MECOM: variants seen among roughly 807,000 people sequenced by gnomAD.
The protein encoded by MECOM is histone-lysine N-methyltransferase MECOM.
Under a neutral mutation model 116.3 loss-of-function variants are expected in MECOM, and 13 were observed. The observed-to-expected ratio is 0.11, with a 90% CI of 0.07 to 0.18. The LOEUF (loss-of-function observed/expected upper bound fraction) is 0.18, where lower values mean the gene tolerates loss of function less well. MECOM is among the 10% of genes least tolerant of loss of function. The pLI is 1.00. For missense variants in MECOM, 1,299 were observed against 1,509.0 expected, an observed-to-expected ratio of 0.86 and a Z score of 2.31; for synonymous variants, 528 against 535.2, an observed-to-expected ratio of 0.99 and a Z score of 0.19.
chr3:169,509,160 G>C (rs1169187897), intron 1 of MECOM, among the ~76,000 whole-genome samples: 1 of 152,146 alleles, frequency 6.6e-6, no homozygotes, highest in African/African-American at 2.4e-5. Flanking sequence ...CTAGAACTTG[G>C]TGTTAAAAGT....
chr3:169,423,179 C>G (rs1740053756), intron 1 of MECOM, among the ~76,000 whole-genome samples: 1 of 152,016 alleles, frequency 6.6e-6, no homozygotes, highest in Non-Finnish European at 1.5e-5. Context: ...CTTTGAGTAG[C>G]AAGACTCACT....
intron 1 of MECOM, among the ~76,000 whole-genome samples, chr3:169,513,627 C>T (rs1488824244): frequency 6.6e-6 from 1 of 151,998 alleles, no homozygotes. Context: ...GGGAGAAAGG[C>T]AGAGAGAAAA....
At position 169,591,983 on chromosome 3, in the gene MECOM, G is replaced by A. The variant is rs565091749; in HGVS notation, c.37+71353C>T. Among the ~76,000 whole-genome samples, 394 of 152,162 alleles carry A rather than the reference G, an allele frequency of 2.6e-3. 1 individual carries two copies. Among genetic ancestry groups the A allele is most frequent in the Middle Eastern group, 6.8e-3 (2 of 294 alleles). On this transcript the variant is annotated intron_variant, in intron 1 of 16. Transcript: ENST00000651503. ...CCACCCATTTCATCTTCATTTTCTA[G>A]AAACCAAACTGAAATGATGTGGCTG...
chr3:169,319,631 T>C (rs556226830), intron 2 of MECOM, among the ~76,000 whole-genome samples: 2 of 152,328 alleles, frequency 1.3e-5, no homozygotes, highest in African/African-American at 2.4e-5. Context: ...TGTTAACGGT[T>C]GGGAAGAAGA....
intron 2 of MECOM, among the ~76,000 whole-genome samples, chr3:169,175,244 C>A (rs532942369): frequency 2.6e-5 from 4 of 152,196 alleles, no homozygotes; most frequent in African/African-American, 9.6e-5. Flanking sequence ...GAAATAAATA[C>A]TACAAGTTGA....
intron 2 of MECOM, among the ~76,000 whole-genome samples, chr3:169,281,494 A>G (rs1711992530): frequency 6.6e-6 from 1 of 152,130 alleles, no homozygotes; most frequent in Non-Finnish European, 1.5e-5. Context: ...CATCAAAATC[A>G]TATGTTTGAT....
At chr3:169,506,668 G>T (rs996604088) in intron 1 of MECOM, among the ~76,000 whole-genome samples, 1 of 151,886 alleles carries the variant, frequency 6.6e-6, no homozygotes, top group African/African-American at 2.4e-5. Context: ...AATATTTAGG[G>T]CACCAAAATT....
At chr3:169,644,940 T>A (rs1165132884) in intron 1 of MECOM, among the ~76,000 whole-genome samples, 1 of 152,208 alleles carries the variant, frequency 6.6e-6, no homozygotes, top group East Asian at 1.9e-4. Context: ...ACTGACTTAG[T>A]CCTCTCTTTG....
chr3:169,237,262 T>C (rs1371030177), intron 2 of MECOM, among the ~76,000 whole-genome samples: 1 of 152,156 alleles, frequency 6.6e-6, no homozygotes, highest in Admixed American at 6.5e-5. Flanking sequence ...AAAATAACAA[T>C]ATACTAAGTT....
At chr3:169,444,728 A>C (rs1031570090) in intron 1 of MECOM, among the ~76,000 whole-genome samples, 1 of 152,184 alleles carries the variant, frequency 6.6e-6, no homozygotes, top group African/African-American at 2.4e-5. Context: ...AGATTGGAAC[A>C]GTTTGGAGGG....
At chr3:169,434,669 T>C (rs1271725922) in intron 1 of MECOM, among the ~76,000 whole-genome samples, 2 of 152,306 alleles carry the variant, frequency 1.3e-5, no homozygotes, top group African/African-American at 4.8e-5. Context: ...CAAAATGAAC[T>C]GGGGTTGAGG....
chr3:169,128,353 A>G (rs983813768), intron 4 of MECOM, among the ~76,000 whole-genome samples: 2 of 152,216 alleles, frequency 1.3e-5, no homozygotes, highest in East Asian at 3.8e-4. Flanking sequence ...CTTACTGAGC[A>G]TCATATATTT....
At chr3:169,527,755 G>T (rs1391223129) in intron 1 of MECOM, among the ~76,000 whole-genome samples, 1 of 152,036 alleles carries the variant, frequency 6.6e-6, no homozygotes, top group African/African-American at 2.4e-5. Flanking sequence ...CATTCTGCTT[G>T]CTCCTCTCTC....
intron 1 of MECOM, among the ~76,000 whole-genome samples, chr3:169,475,847 G>A (rs932147434): frequency 6.6e-6 from 1 of 152,156 alleles, no homozygotes; most frequent in Admixed American, 6.5e-5. Context: ...TTAGGAGCTA[G>A]CATGGATGTC....
chr3:169,601,443 A>G (rs538667284), intron 1 of MECOM, among the ~76,000 whole-genome samples: 3 of 152,362 alleles, frequency 2.0e-5, no homozygotes, highest in African/African-American at 7.2e-5. Flanking sequence ...CCCACAAGGA[A>G]TAGAGCACTG....
At chr3:169,479,691 C>T (rs890142651) in intron 1 of MECOM, among the ~76,000 whole-genome samples, 1 of 149,342 alleles carries the variant, frequency 6.7e-6, no homozygotes, top group Non-Finnish European at 1.5e-5. Context: ...GCCTGATTCT[C>T]AGGCACAAAT....
At chr3:169,647,131 T>TA (rs1774289374) in intron 1 of MECOM, among the ~76,000 whole-genome samples, 1 of 152,158 alleles carries the variant, frequency 6.6e-6, no homozygotes, top group Non-Finnish European at 1.5e-5. Flanking sequence ...TTTCTGGATT[T>TA]AAAAAAATAA....
intron 2 of MECOM, among the ~76,000 whole-genome samples, chr3:169,156,659 T>G (rs1280755916): frequency 6.6e-6 from 1 of 152,146 alleles, no homozygotes; most frequent in Non-Finnish European, 1.5e-5. Context: ...AAGGAATATA[T>G]ACAATCTCAT....
intron 2 of MECOM, among the ~76,000 whole-genome samples, chr3:169,273,422 C>T (rs557273096): frequency 3.9e-5 from 6 of 152,234 alleles, no homozygotes; most frequent in African/African-American, 1.4e-4. Flanking sequence ...CATCATGCTT[C>T]CACATAGAAA....
Sources: gnomAD v4.1 joint callset for allele counts (sites outside exome capture counted in the v4.1 genomes callset) on GRCh38, gnomAD v4.1.1 for gene constraint, MANE v1.5 for transcripts, NCBI Gene and HGNC (gene_info 2026-07-23, HGNC 2026-07-21) for gene names.